Variants in PCM1 observed in about 807,000 individuals in gnomAD.
PCM1 encodes the protein pericentriolar material 1 protein.
In PCM1, 157 loss-of-function variants were observed where a neutral mutation model predicts 241.9. The observed-to-expected ratio is 0.65, with a 90% CI of 0.57 to 0.74. PCM1 has a LOEUF of 0.74. Among genes scored for constraint, PCM1 ranks in the 30% least tolerant of loss-of-function variants. The probability of loss-of-function intolerance (pLI) is 0.00; values close to 1 mark genes in which losing one functional copy is unlikely to be tolerated. For missense variants in PCM1, 3,478 were observed against 2,360.1 expected (o/e 1.47, Z -9.81); for synonymous variants, 1,085 against 784.9 (o/e 1.38, Z -6.39).
intron 29 of PCM1, among the ~76,000 whole-genome samples, chr8:18,000,691 G>A (rs1487911554): frequency 4.6e-5 from 7 of 152,104 alleles, no homozygotes; most frequent in Non-Finnish European, 8.8e-5. Context: ...GCGCGATCTC[G>A]GCTCACTGCA....
chr8:18,011,202 T>C (rs1207554610), intron 32 of PCM1, 35 bp from the exon 33 acceptor site: 22 of 1,515,358 alleles, frequency 1.5e-5, no homozygotes, highest in Non-Finnish European at 2.0e-5. Flanking sequence ...ACATGTACTT[T>C]AAGGAATTAA....
chr8:18,014,574 T>G lies in PCM1; in HGVS notation c.5585-10T>G. ...ATTACACTAATGTTAAGACTTTCTT[T>G]TGATGACAGATGACCAAAATAACTG... On this transcript the variant is annotated splice_polypyrimidine_tract_variant and intron_variant, in intron 35 of 38. Coordinates refer to ENST00000325083, the MANE Select transcript of PCM1 (RefSeq NM_006197.4). 1 of 1,589,626 alleles carries G rather than the reference T, an allele frequency of 6.3e-7. No individual in the cohort carries two copies. The highest frequency in any genetic ancestry group is 8.6e-7 in the Non-Finnish European group (1 of 1,166,366).
At chr8:17,995,436 G>T (rs182188086) in intron 29 of PCM1, among the ~76,000 whole-genome samples, 1 of 151,332 alleles carries the variant, frequency 6.6e-6, no homozygotes, top group African/African-American at 2.5e-5. Flanking sequence ...TCTGTTGTTT[G>T]TATGCCAGTA....
At chr8:17,947,586 C>G (rs1369172080) in intron 7 of PCM1, among the ~76,000 whole-genome samples, 2 of 152,182 alleles carry the variant, frequency 1.3e-5, no homozygotes, top group African/African-American at 2.4e-5. Flanking sequence ...GATCTCTCTC[C>G]TTTTCATCAG....
intron 21 of PCM1, among the ~76,000 whole-genome samples, chr8:17,969,129 C>T (rs1455754678): frequency 6.6e-6 from 1 of 152,026 alleles, no homozygotes; most frequent in Non-Finnish European, 1.5e-5. Flanking sequence ...AGAGTAGAAA[C>T]AACATAAGCG....
intron 6 of PCM1, among the ~76,000 whole-genome samples, chr8:17,942,792 G>A (rs2062553124): frequency 6.6e-6 from 1 of 152,054 alleles, no homozygotes; most frequent in South Asian, 2.1e-4. Flanking sequence ...TCAGGAGATC[G>A]AGACCAGTCT....
chr8:17,960,697 T>G (rs1297995257), intron 15 of PCM1, among the ~76,000 whole-genome samples: 1 of 151,930 alleles, frequency 6.6e-6, no homozygotes, highest in Non-Finnish European at 1.5e-5. Flanking sequence ...GCTAATTTTT[T>G]GTATTTTTGG....
At chr8:17,927,566 T>G (rs1002379433) in intron 2 of PCM1, 1 of 152,174 alleles carries the variant, frequency 6.6e-6, no homozygotes. Flanking sequence ...ATGTTCTTTT[T>G]TTTGGCGATG....
intron 9 of PCM1, 143 bp downstream of exon 9, chr8:17,953,329 C>G: frequency 4.4e-6 from 2 of 451,586 alleles, no homozygotes; most frequent in Non-Finnish European, 7.7e-6. Context: ...TGAAAAGTTT[C>G]TAAGTTGCAA....
At chr8:18,010,201 A>G (rs751513586) in intron 31 of PCM1, among the ~76,000 whole-genome samples, 1 of 152,158 alleles carries the variant, frequency 6.6e-6, no homozygotes, top group Non-Finnish European at 1.5e-5. Flanking sequence ...TTGTCAAATT[A>G]ATTTTGATCA....
At chr8:18,013,407 T>C (rs1289202477) in intron 34 of PCM1, among the ~76,000 whole-genome samples, 1 of 152,190 alleles carries the variant, frequency 6.6e-6, no homozygotes, top group Admixed American at 6.5e-5. Flanking sequence ...GGTTTGGGGC[T>C]CACTAGTTTA....
chr8:18,018,655 A>G (rs1420963215), intron 36 of PCM1, among the ~76,000 whole-genome samples: 5 of 151,672 alleles, frequency 3.3e-5, no homozygotes, highest in Admixed American at 6.6e-5. Flanking sequence ...TACTGAAAAT[A>G]TAAAAATTAG....
chr8:17,923,446 C>T (rs1000524145), intron 1 of PCM1, among the ~76,000 whole-genome samples: 1 of 152,208 alleles, frequency 6.6e-6, no homozygotes, highest in Non-Finnish European at 1.5e-5. Context: ...CTTCTTGCCT[C>T]CTCGCCCCTC....
Position 17,966,423 on chromosome 8 carries a change from G to T in PCM1, c.3171G>T (p.Gln1057His). The change falls in exon 20 of 39, where the codon CAG (glutamine) becomes CAT (histidine). Residue 1057 changes from glutamine (Q) to histidine (H), a missense_variant. Gln to His is a conservative substitution (Grantham distance 24). Transcript: ENST00000325083. The stretch of plus-strand genomic sequence containing the variant: ...CTCAAGTACACTTCATAATGCACCA[G>T]TTGAACCAGTGCTATACTCAGCTAA... ...ASPQVHFIMHQLNQCYTQLTW... is the reference protein window; with the variant it reads ...ASPQVHFIMHHLNQCYTQLTW... 1 of 1,613,732 alleles carries T rather than the reference G, an allele frequency of 6.2e-7. No individual in the cohort carries two copies. Among genetic ancestry groups the T allele is most frequent in the Non-Finnish European group, 8.5e-7 (1 of 1,179,710 alleles).
At chr8:17,971,064 A>G (rs2076688523) in intron 22 of PCM1, among the ~76,000 whole-genome samples, 1 of 152,256 alleles carries the variant, frequency 6.6e-6, no homozygotes, top group Non-Finnish European at 1.5e-5. Context: ...ATATGTAAAC[A>G]TGAGTATGGC....
intron 26 of PCM1, among the ~76,000 whole-genome samples, chr8:17,988,153 A>G (rs2083243527): frequency 6.6e-6 from 1 of 151,772 alleles, no homozygotes; most frequent in Non-Finnish European, 1.5e-5. Context: ...TAAAATGGTA[A>G]AAGCACATCT....
rs774428246 is a variant in PCM1 at position 17,937,344 on chromosome 8, C to G, written c.307C>G (p.Leu103Val). ...SVPEQAELEK[L>V]KQRINFSDLD... is the part of the protein sequence containing the mutation. Reference sequence around the variant, plus strand: ...CCCAGAGCAGGCAGAATTAGAGAAACTGAAACAGCGGATAAACTTCAGTGA... The same window carrying G: ...CCCAGAGCAGGCAGAATTAGAGAAAGTGAAACAGCGGATAAACTTCAGTGA... Residue 103 changes from leucine (L) to valine (V), a missense_variant, in exon 4 of 39, where the codon CTG (leucine) becomes GTG (valine). Transcript: ENST00000325083. The G allele has an allele frequency of 1.9e-6, 3 of 1,605,044 alleles. No individual in the cohort carries two copies. Among genetic ancestry groups the G allele is most frequent in the East Asian group, 4.5e-5 (2 of 44,716 alleles).
Position 17,964,796 on chromosome 8 carries a change from T to C in PCM1, c.2855+28T>C, listed in dbSNP as rs1158121541. On this transcript the variant is annotated intron_variant, in intron 18 of 38. Coordinates refer to ENST00000325083, the MANE Select transcript of PCM1 (RefSeq NM_006197.4). ...TAGTTTCAGTATTTTAATTTTGTGC[T>C]TAATTTAAGAGGCTCAGGTCTTTTT... The C allele has an allele frequency of 1.9e-6, 3 of 1,564,506 alleles. No homozygotes were observed. The Admixed American group carries it at 5.0e-5, about 26-fold the overall frequency.
At position 17,955,544 on chromosome 8, in the gene PCM1, A is replaced by C. The variant is rs1389565347; in HGVS notation, c.1363A>C (p.Asn455His). 2.5e-6 allele frequency: 4 copies of C among 1,613,778 alleles called. No individual in the cohort carries two copies. The East Asian group carries it at 8.9e-5, about 36-fold the overall frequency. Residue 455 changes from asparagine to histidine, a missense_variant, in exon 10 of 39, where the codon AAT (asparagine) becomes CAT (histidine). Coordinates refer to ENST00000325083, the MANE Select transcript of PCM1 (RefSeq NM_006197.4). ...SASVGLAPVVNGESNSLTSSV... is the reference protein window; with the variant it reads ...SASVGLAPVVHGESNSLTSSV... ...TTCTGTAGGCTTGGCACCGGTTGTC[A>C]ATGGAGAATCCAATAGCCTCACATC...
Sources: allele counts gnomAD v4.1 joint callset (sites outside exome capture counted in the v4.1 genomes callset), GRCh38; gene constraint gnomAD v4.1.1; transcripts MANE v1.5; gene names NCBI Gene and HGNC (gene_info 2026-07-23, HGNC 2026-07-21).